RCOR3: variants seen among roughly 807,000 people sequenced by gnomAD.
RCOR3 encodes REST corepressor 3.
In RCOR3, 13 loss-of-function variants were observed where a neutral mutation model predicts 64.1. That is an observed-to-expected ratio of 0.20 (90% CI 0.13 to 0.32). RCOR3 has a LOEUF of 0.32. Among genes scored for constraint, RCOR3 ranks in the 10% least tolerant of loss-of-function variants. RCOR3 has a pLI of 1.00. For missense variants in RCOR3, 489 were observed against 701.2 expected, an observed-to-expected ratio of 0.70 and a Z score of 3.42; for synonymous variants, 215 against 239.0, an observed-to-expected ratio of 0.90 and a Z score of 0.93.
intron 8 of RCOR3, among the ~76,000 whole-genome samples, chr1:211,290,349 A>G (rs1699102226): frequency 6.6e-6 from 1 of 152,162 alleles, no homozygotes; most frequent in South Asian, 2.1e-4. Flanking sequence ...ATCATCTTTT[A>G]TTCATCCCCT....
intron 6 of RCOR3, among the ~76,000 whole-genome samples, chr1:211,278,470 A>G (rs1558063814): frequency 1.3e-5 from 2 of 152,216 alleles, no homozygotes; most frequent in African/African-American, 4.8e-5. Context: ...TGATATATTT[A>G]ATACACATAT....
chr1:211,271,486 C>A, intron 3 of RCOR3, 177 bp downstream of exon 3: 2 of 649,732 alleles, frequency 3.1e-6, no homozygotes, highest in Non-Finnish European at 5.6e-6. Flanking sequence ...GAATGTTTTT[C>A]CTTTTGGAAG....
At chr1:211,289,086 T>C (rs540307249) in intron 7 of RCOR3, 92 bp from the exon 8 acceptor site, 30 of 930,664 alleles carry the variant, frequency 3.2e-5, no homozygotes, top group Admixed American at 2.0e-4. Flanking sequence ...TGTGTACTTA[T>C]TGCAGCAGAT....
At chr1:211,260,930 C>A (rs1295390822) in intron 2 of RCOR3, 1 of 152,246 alleles carries the variant, frequency 6.6e-6, no homozygotes, top group African/African-American at 2.4e-5. Context: ...TCCAAACAGG[C>A]TCCCCGGCGG....
At position 211,313,771 on chromosome 1, in the gene RCOR3, A is replaced by C. The variant is rs769103896; in HGVS notation, c.*3A>C. 6.2e-7 allele frequency: 1 copy of C among 1,610,724 alleles called. No individual in the cohort carries two copies. The highest frequency in any genetic ancestry group is 2.2e-5 in the East Asian group (1 of 44,828). On this transcript the variant is annotated 3_prime_UTR_variant, in exon 12 of 12. Transcript: ENST00000419091. This position sits in a 1 kb window ranked among gnomAD's most constrained non-coding sequence, Gnocchi z 4.7. Reference sequence around the variant, plus strand: ...ATTCACAGTCCTCACTGCACTAAAAATTAAATTGGACACAGCTGCAGTAAC... The same window carrying C: ...ATTCACAGTCCTCACTGCACTAAAACTTAAATTGGACACAGCTGCAGTAAC...
intron 4 of RCOR3, among the ~76,000 whole-genome samples, chr1:211,274,998 T>C (rs1377046967): frequency 1.3e-5 from 2 of 151,258 alleles, no homozygotes; most frequent in Admixed American, 6.6e-5. Context: ...TAGACTATAA[T>C]GTATTTATAT....
Position 211,263,818 on chromosome 1 carries a change from TTG to T in RCOR3, c.223+3656_223+3657del, listed in dbSNP as rs1228275372. On this transcript the variant is annotated intron_variant, in intron 2 of 11. Coordinates refer to ENST00000419091, the MANE Select transcript of RCOR3 (RefSeq NM_001136223.3). The stretch of plus-strand genomic sequence containing the variant: ...TAATAGATGAAAAGTTTTTTTTGTT[TTG>T]TTTTTTTTTTGTTTTTTTTAGGCAG... Among the ~76,000 whole-genome samples, 153 of 13,008 alleles carry T rather than the reference TTG, an allele frequency of 0.012. 1 individual carries two copies. In the South Asian group the frequency reaches 0.14, roughly 12 times the overall value. 8.5% of individuals were successfully genotyped at this position (13,008 alleles called of 152,430 possible).
chr1:211,288,323 A>C (rs962597668), intron 7 of RCOR3, among the ~76,000 whole-genome samples: 1 of 151,418 alleles, frequency 6.6e-6, no homozygotes, highest in African/African-American at 2.4e-5. Context: ...TCATACTTTA[A>C]GAACAACTTA....
chr1:211,304,915 G>C (rs1700713389), intron 10 of RCOR3, among the ~76,000 whole-genome samples: 1 of 151,712 alleles, frequency 6.6e-6, no homozygotes, highest in Non-Finnish European at 1.5e-5. Context: ...ACAGTTTAAA[G>C]TTTGGTCTAC....
At chr1:211,268,366 T>C (rs910900130) in intron 2 of RCOR3, among the ~76,000 whole-genome samples, 1 of 105,102 alleles carries the variant, frequency 9.5e-6, no homozygotes, top group East Asian at 2.9e-4. Context: ...GTTTCTTTTC[T>C]TTCTTTTTTT....
rs529717817 is a variant in RCOR3 at position 211,273,978 on chromosome 1, G to A, written c.302-232G>A. ...ACAGTAATGTCATTGAATTTAGTAA[G>A]TATAATGTGTAGTCGTAGAGATAAG... On this transcript the variant is annotated intron_variant, in intron 3 of 11. Coordinates refer to ENST00000419091, the MANE Select transcript of RCOR3 (RefSeq NM_001136223.3). Among the ~76,000 whole-genome samples, 18 of 152,210 alleles carry A rather than the reference G, an allele frequency of 1.2e-4. No homozygotes were observed. In the South Asian group the frequency reaches 3.7e-3, roughly 32 times the overall value.
chr1:211,288,741 C>T (rs1474605012), intron 7 of RCOR3, among the ~76,000 whole-genome samples: 1 of 151,912 alleles, frequency 6.6e-6, no homozygotes, highest in Non-Finnish European at 1.5e-5. Context: ...CTTTAACCAG[C>T]TGTCTAATCT....
chr1:211,314,567 A>G lies in RCOR3; in HGVS notation c.*799A>G, dbSNP rs369270785. 12 of 152,210 alleles carry G rather than the reference A, an allele frequency of 7.9e-5. No homozygotes were observed. In the East Asian group the frequency reaches 1.9e-3, roughly 24 times the overall value. 9.4% of individuals were successfully genotyped at this position (152,210 alleles called of 1,614,324 possible). ...AAATGAGGACTTAATTTGTTGAAAT[A>G]TAATCTCTTTAAGTTCCTTGAAAAT... is the stretch of plus-strand genomic sequence containing the variant. On this transcript the variant is annotated 3_prime_UTR_variant, in exon 12 of 12. Transcript: ENST00000419091.
intron 9 of RCOR3, chr1:211,303,503 G>A (rs1700583908): frequency 6.6e-6 from 1 of 152,206 alleles, no homozygotes; most frequent in Admixed American, 6.5e-5. Flanking sequence ...AAAGGTCCTT[G>A]ATTTACCACT....
At chr1:211,292,837 G>C (rs940411385) in intron 8 of RCOR3, among the ~76,000 whole-genome samples, 2 of 152,098 alleles carry the variant, frequency 1.3e-5, no homozygotes, top group African/African-American at 2.4e-5. Context: ...TGTAATCCCA[G>C]CACTTTGGAA....
intron 1 of RCOR3, 67 bp from the exon 2 acceptor site, chr1:211,260,041 T>G: frequency 1.3e-6 from 2 of 1,490,578 alleles, no homozygotes; most frequent in Admixed American, 4.8e-5. Flanking sequence ...TTTTTAAGTG[T>G]CTCTTCCTTT....
chr1:211,279,187 T>TAAAA, intron 6 of RCOR3, 51 bp from the exon 7 acceptor site: 2 of 943,756 alleles, frequency 2.1e-6, no homozygotes, highest in Non-Finnish European at 3.1e-6. Flanking sequence ...AACGCTGTCT[T>TAAAA]AAAAAAAAAA....
At chr1:211,276,532 A>G (rs1012679402) in intron 5 of RCOR3, 114 bp downstream of exon 5, 10 of 948,584 alleles carry the variant, frequency 1.1e-5, no homozygotes, top group East Asian at 5.4e-5. Context: ...TTTAAAAACT[A>G]TTTGTAAGTA....
intron 3 of RCOR3, among the ~76,000 whole-genome samples, chr1:211,272,459 C>T (rs536089975): frequency 2.6e-5 from 4 of 151,644 alleles, no homozygotes; most frequent in Admixed American, 6.6e-5. Context: ...AGTGTTCATG[C>T]GGAATATTTA....
Sources: gnomAD v4.1 joint callset for allele counts (sites outside exome capture counted in the v4.1 genomes callset) on GRCh38, gnomAD v4.1.1 for gene constraint, Gnocchi (gnomAD v3.1) non-coding constraint, MANE v1.5 for transcripts, NCBI Gene and HGNC (gene_info 2026-07-23, HGNC 2026-07-21) for gene names.